Variants in SGCG observed in about 807,000 individuals in gnomAD.
The protein encoded by SGCG is sarcoglycan gamma.
In SGCG, 26 loss-of-function variants were observed where a neutral mutation model predicts 29.3. That is an observed-to-expected ratio of 0.89 (90% CI 0.65 to 1.23). The LOEUF is 1.23. Among genes scored for constraint, SGCG ranks in the 50% most tolerant of loss-of-function variants. SGCG has a pLI of 0.00. For synonymous variants in SGCG, 145 were observed against 129.7 expected, an observed-to-expected ratio of 1.12 and a Z score of -0.80; for missense variants, 353 against 356.0, an observed-to-expected ratio of 0.99 and a Z score of 0.07.
intron 1 of SGCG, among the ~76,000 whole-genome samples, chr13:23,198,337 A>AT (rs1461448344): frequency 6.6e-6 from 1 of 152,246 alleles, no homozygotes; most frequent in African/African-American, 2.4e-5. Flanking sequence ...TCGATTCACT[A>AT]TATTATATGC....
At chr13:23,262,795 A>G (rs1880494282) in intron 4 of SGCG, among the ~76,000 whole-genome samples, 1 of 152,068 alleles carries the variant, frequency 6.6e-6, no homozygotes, top group African/African-American at 2.4e-5. Flanking sequence ...GAGCAAAATA[A>G]TATCAAGTAT....
intron 1 of SGCG, among the ~76,000 whole-genome samples, chr13:23,199,788 T>A (rs1241729451): frequency 1.3e-5 from 2 of 152,142 alleles, no homozygotes; most frequent in Non-Finnish European, 2.9e-5. Flanking sequence ...ATGGGAGGAC[T>A]AGAAAGCAGG....
intron 5 of SGCG, among the ~76,000 whole-genome samples, chr13:23,294,283 G>C (rs1881824738): frequency 6.6e-6 from 1 of 152,158 alleles, no homozygotes; most frequent in Non-Finnish European, 1.5e-5. Flanking sequence ...ATGTGGTGCT[G>C]CTTATATCTG....
intron 5 of SGCG, among the ~76,000 whole-genome samples, chr13:23,280,252 A>G (rs1014724463): frequency 6.6e-6 from 1 of 152,208 alleles, no homozygotes; most frequent in Non-Finnish European, 1.5e-5. Flanking sequence ...TTATGAAAAA[A>G]ATGTTTCAGA....
the SGCG span, among the ~76,000 whole-genome samples, chr13:23,169,235 G>A: frequency 1.6e-3 from 241 of 151,988 alleles, 1 homozygote; most frequent in African/African-American, 5.3e-3. Flanking sequence ...TCCATAACCT[G>A]TAAGTTCGGT....
chr13:23,197,933 C>A (rs1357561245), intron 1 of SGCG, among the ~76,000 whole-genome samples: 2 of 146,646 alleles, frequency 1.4e-5, no homozygotes, highest in Non-Finnish European at 2.9e-5. Context: ...AGTAAAGAAA[C>A]TTTTAAAAGT....
At chr13:23,237,722 C>A (rs1879363354) in intron 3 of SGCG, among the ~76,000 whole-genome samples, 1 of 151,224 alleles carries the variant, frequency 6.6e-6, no homozygotes, top group African/African-American at 2.4e-5. Context: ...TTTAGACAGA[C>A]TGGTAAGAGC....
At chr13:23,224,489 G>A (rs1415546440) in intron 2 of SGCG, among the ~76,000 whole-genome samples, 1 of 152,098 alleles carries the variant, frequency 6.6e-6, no homozygotes, top group Non-Finnish European at 1.5e-5. Flanking sequence ...GAGAGGAGGG[G>A]GCAAGTGCTG....
chr13:23,306,082 C>T (rs1184023626), intron 6 of SGCG, among the ~76,000 whole-genome samples: 1 of 152,128 alleles, frequency 6.6e-6, no homozygotes, highest in Non-Finnish European at 1.5e-5. Flanking sequence ...CCAGTCTGGT[C>T]TTGAACTCCC....
intron 6 of SGCG, among the ~76,000 whole-genome samples, chr13:23,312,047 C>G (rs1376691249): frequency 6.6e-6 from 1 of 152,186 alleles, no homozygotes; most frequent in African/African-American, 2.4e-5. Context: ...GGTGCCATCC[C>G]CTCCCATAAT....
intron 4 of SGCG, among the ~76,000 whole-genome samples, chr13:23,252,441 C>G (rs943962281): frequency 6.6e-6 from 1 of 152,110 alleles, no homozygotes; most frequent in African/African-American, 2.4e-5. Flanking sequence ...CCTGTAATCC[C>G]AGCACTTTGG....
chr13:23,272,763 A>G (rs936435909), intron 4 of SGCG, among the ~76,000 whole-genome samples: 2 of 152,160 alleles, frequency 1.3e-5, no homozygotes, highest in Admixed American at 1.3e-4. Flanking sequence ...TATGTGGGGT[A>G]GTTTTTTAAC....
intron 4 of SGCG, among the ~76,000 whole-genome samples, chr13:23,274,395 CT>C (rs869153381): frequency 0.052 from 4,440 of 85,256 alleles, 36 homozygotes; most frequent in Non-Finnish European, 0.061. Flanking sequence ...CTTTCTTTCT[CT>C]TTTTTTTTTT....
chr13:23,218,621 A>G (rs116657371), intron 2 of SGCG, among the ~76,000 whole-genome samples: 4,085 of 152,196 alleles, frequency 0.027, 190 homozygotes, highest in African/African-American at 0.094. Flanking sequence ...TTAAAAATCA[A>G]TATCAGAGAG....
chr13:23,222,144 C>T (rs552900577), intron 2 of SGCG, among the ~76,000 whole-genome samples: 28 of 152,174 alleles, frequency 1.8e-4, no homozygotes, highest in Non-Finnish European at 3.7e-4. Flanking sequence ...TATGAAGGGC[C>T]GTCGATTGTC....
In SGCG at chr13:23,295,468, G is replaced by T. The variant is rs886042075; in HGVS notation, c.559G>T (p.Asp187Tyr). Residue 187 changes from aspartate to tyrosine, a missense_variant, in exon 6 of 8, where the codon GAC becomes TAC. By Grantham distance (160) the Asp-to-Tyr change is radical. Transcript: ENST00000218867. ...AGTGGAGACACCCCTTGTCAGAGCC[G>T]ACCCGTTTCAAGACCTTAGGTAAGA... ...HSVETPLVRA[D>Y]PFQDLRLESP... 2 of 1,613,624 alleles carry T rather than the reference G, an allele frequency of 1.2e-6. No homozygotes were observed. The highest frequency in any genetic ancestry group is 2.2e-5 in the South Asian group (2 of 91,058).
intron 5 of SGCG, among the ~76,000 whole-genome samples, chr13:23,281,372 T>C (rs61946708): frequency 0.44 from 65,865 of 150,444 alleles, 15,333 homozygotes; most frequent in Middle Eastern, 0.65. Context: ...ATAATAATAA[T>C]AATAATAATA....
chr13:23,173,647 A>G, the SGCG span, among the ~76,000 whole-genome samples: 5 of 152,236 alleles, frequency 3.3e-5, no homozygotes, highest in African/African-American at 1.2e-4. Context: ...ATCATCAGAA[A>G]TTTCTGGTCA....
intron 6 of SGCG, among the ~76,000 whole-genome samples, chr13:23,301,875 G>C (rs959738578): frequency 2.0e-5 from 3 of 151,222 alleles, no homozygotes; most frequent in Non-Finnish European, 2.9e-5. Flanking sequence ...CTGGGCAACA[G>C]AGCAAGACTC....
Sources: gnomAD v4.1 joint callset for allele counts (sites outside exome capture counted in the v4.1 genomes callset) on GRCh38, gnomAD v4.1.1 for gene constraint, MANE v1.5 for transcripts, NCBI Gene and HGNC (gene_info 2026-07-23, HGNC 2026-07-21) for gene names.